PLXNA4: variants seen among roughly 807,000 people sequenced by gnomAD.
The protein encoded by PLXNA4 is plexin-A4.
Under a neutral mutation model 191.8 loss-of-function variants are expected in PLXNA4, and 44 were observed. That is an observed-to-expected ratio of 0.23 (90% CI 0.18 to 0.29). The LOEUF is 0.29. PLXNA4 is among the 10% of genes least tolerant of loss of function. The pLI, the probability that PLXNA4 is intolerant of heterozygous loss-of-function variation, is 1.00. For missense variants in PLXNA4, 1,800 were observed against 2,488.8 expected (o/e 0.72, Z 5.89); for synonymous variants, 1,082 against 1,009.5 (o/e 1.07, Z -1.36).
chr7:132,305,990 G>A (rs1365641144), intron 3 of PLXNA4, among the ~76,000 whole-genome samples: 2 of 152,126 alleles, frequency 1.3e-5, no homozygotes, highest in African/African-American at 2.4e-5. Flanking sequence ...ACTGTAGATG[G>A]AGAGGGGAAC....
intron 3 of PLXNA4, among the ~76,000 whole-genome samples, chr7:132,488,451 G>A (rs2117522893): frequency 6.6e-6 from 1 of 152,292 alleles, no homozygotes; most frequent in East Asian, 1.9e-4. Context: ...CCAAAATAAA[G>A]CAAGCAAGAG....
At chr7:132,430,845 G>A (rs918471318) in intron 3 of PLXNA4, among the ~76,000 whole-genome samples, 1 of 152,156 alleles carries the variant, frequency 6.6e-6, no homozygotes, top group Non-Finnish European at 1.5e-5. Context: ...ATAAGGACTG[G>A]ATAAGCAAGG....
intron 3 of PLXNA4, among the ~76,000 whole-genome samples, chr7:132,320,011 C>T (rs770423984): frequency 6.6e-6 from 1 of 152,242 alleles, no homozygotes; most frequent in Admixed American, 6.5e-5. Context: ...AGTCAAGCAA[C>T]CTGGAGCTGC....
At position 132,351,422 on chromosome 7, in the gene PLXNA4, G is replaced by A. The variant is rs924260094; in HGVS notation, c.1372-53200C>T. On this transcript the variant is annotated intron_variant, in intron 3 of 31. Coordinates refer to ENST00000321063, the MANE Select transcript of PLXNA4 (RefSeq NM_020911.2). ...GAATTGATTCAAAGTTCCATAAAGC[G>A]GATTCAGTTTCCAGATTGTGTTGAT... is the stretch of plus-strand genomic sequence containing the variant. 2.0e-5 allele frequency among the ~76,000 whole-genome samples: 3 copies of A among 152,180 alleles called. No individual in the cohort carries two copies. In the East Asian group the frequency reaches 5.8e-4, roughly 29 times the overall value.
intron 3 of PLXNA4, among the ~76,000 whole-genome samples, chr7:132,381,758 C>G (rs981065819): frequency 2.0e-5 from 3 of 152,172 alleles, no homozygotes; most frequent in South Asian, 2.1e-4. Context: ...GATTCTGCAG[C>G]CTTTGCCCAG....
intron 3 of PLXNA4, among the ~76,000 whole-genome samples, chr7:132,436,120 G>A (rs1003785780): frequency 6.6e-6 from 1 of 152,134 alleles, no homozygotes; most frequent in South Asian, 2.1e-4. Flanking sequence ...CACCTGCTGG[G>A]TCAGGTGTCA....
At chr7:132,528,907 G>A (rs570029133) in intron 1 of PLXNA4, among the ~76,000 whole-genome samples, 4 of 152,314 alleles carry the variant, frequency 2.6e-5, no homozygotes, top group Admixed American at 2.6e-4. Flanking sequence ...GCATCTCACT[G>A]ACTCACCCAG....
intron 27 of PLXNA4, among the ~76,000 whole-genome samples, chr7:132,147,221 T>C (rs1462758789): frequency 6.6e-6 from 1 of 152,228 alleles, no homozygotes; most frequent in Non-Finnish European, 1.5e-5. Flanking sequence ...TGTGAAGTGT[T>C]GTGAAATGAG....
chr7:132,520,039 T>A (rs921607531), intron 1 of PLXNA4, among the ~76,000 whole-genome samples: 1 of 152,174 alleles, frequency 6.6e-6, no homozygotes, highest in Non-Finnish European at 1.5e-5. Flanking sequence ...TTTGTGGAGG[T>A]GCAGGGCAGA....
intron 14 of PLXNA4, among the ~76,000 whole-genome samples, chr7:132,189,255 G>A (rs2116794992): frequency 1.3e-5 from 2 of 151,988 alleles, no homozygotes; most frequent in Middle Eastern, 6.8e-3. Context: ...GGTGGGGAGA[G>A]GATGTTATGG....
chr7:132,475,404 C>G (rs1218088656), intron 3 of PLXNA4, among the ~76,000 whole-genome samples: 3 of 152,118 alleles, frequency 2.0e-5, no homozygotes, highest in African/African-American at 4.8e-5. Flanking sequence ...AGAAACGGAA[C>G]CCCCTCTAAG....
intron 1 of PLXNA4, among the ~76,000 whole-genome samples, chr7:132,525,056 A>C (rs556851305): frequency 2.0e-5 from 3 of 152,094 alleles, no homozygotes; most frequent in Non-Finnish European, 4.4e-5. Context: ...TGTACCCATC[A>C]AATACCAACT....
intron 20 of PLXNA4, among the ~76,000 whole-genome samples, chr7:132,176,964 A>T (rs1381013590): frequency 6.7e-6 from 1 of 150,120 alleles, no homozygotes; most frequent in Non-Finnish European, 1.5e-5. Flanking sequence ...TGAGTGCGTG[A>T]GTGTATGAGT....
intron 1 of PLXNA4, among the ~76,000 whole-genome samples, chr7:132,529,883 G>A (rs149376503): frequency 0.034 from 5,214 of 152,242 alleles, 236 homozygotes; most frequent in African/African-American, 0.1. Flanking sequence ...GGGATTACAG[G>A]CGTGAGCCAC....
chr7:132,327,664 G>T (rs768337830), intron 3 of PLXNA4, among the ~76,000 whole-genome samples: 8 of 152,224 alleles, frequency 5.3e-5, no homozygotes, highest in African/African-American at 1.9e-4. Context: ...TGAACACTGT[G>T]TGAGGAAGGT....
chr7:132,163,977 G>T (rs1796023019), intron 24 of PLXNA4, among the ~76,000 whole-genome samples, 165 bp downstream of exon 24: 1 of 152,244 alleles, frequency 6.6e-6, no homozygotes, highest in African/African-American at 2.4e-5. Context: ...AACAGAGGAA[G>T]TCTGGGGTGA....
At chr7:132,310,124 G>A (rs1225895075) in intron 3 of PLXNA4, among the ~76,000 whole-genome samples, 7 of 152,206 alleles carry the variant, frequency 4.6e-5, no homozygotes, top group South Asian at 4.1e-4. Context: ...TATAGATGTC[G>A]TAACCTCAGG....
intron 14 of PLXNA4, among the ~76,000 whole-genome samples, chr7:132,189,206 C>T (rs1050331132): frequency 4.6e-5 from 7 of 151,768 alleles, no homozygotes; most frequent in Admixed American, 2.6e-4. Flanking sequence ...AGTGAGTAAT[C>T]CCTGCAGGTG....
At chr7:132,243,804 A>G (rs1258299258) in intron 4 of PLXNA4, among the ~76,000 whole-genome samples, 1 of 151,836 alleles carries the variant, frequency 6.6e-6, no homozygotes, top group African/African-American at 2.4e-5. Context: ...TCCTCCTTGT[A>G]CTGTCACTTA....
Sources: gnomAD v4.1 joint callset for allele counts (sites outside exome capture counted in the v4.1 genomes callset) on GRCh38, gnomAD v4.1.1 for gene constraint, MANE v1.5 for transcripts, NCBI Gene and HGNC (gene_info 2026-07-23, HGNC 2026-07-21) for gene names.